PIP5K1C: variants seen among roughly 807,000 people sequenced by gnomAD.
PIP5K1C encodes phosphatidylinositol-4-phosphate 5-kinase type 1 gamma.
A neutral mutation model predicts 80.1 loss-of-function variants in PIP5K1C; 45 were observed. That is an observed-to-expected ratio of 0.56 (90% CI 0.44 to 0.72). PIP5K1C has a LOEUF of 0.72. PIP5K1C is among the 30% of genes least tolerant of loss of function. PIP5K1C has a pLI of 0.00. For synonymous variants in PIP5K1C, 498 were observed against 420.1 expected (o/e 1.19, Z -2.27); for missense variants, 753 against 954.6 (o/e 0.79, Z 2.78).
chr19:3,697,775 C>T (rs891261536), intron 1 of PIP5K1C, among the ~76,000 whole-genome samples: 4 of 152,174 alleles, frequency 2.6e-5, no homozygotes, highest in Non-Finnish European at 4.4e-5. Context: ...GAGGCTCAGA[C>T]ACGCCCAGGC....
rs2145356864 is a variant in PIP5K1C at position 3,633,045 on chromosome 19, G to A, written c.*122C>T. Reference sequence around the variant, plus strand: ...CGGCATCCGTGCAGGGGGAGGACGAGGTCCGGTGGGGCGGCGAGGCGGGCA... The same window carrying A: ...CGGCATCCGTGCAGGGGGAGGACGAAGTCCGGTGGGGCGGCGAGGCGGGCA... On this transcript the variant is annotated 3_prime_UTR_variant, in exon 18 of 18. Coordinates refer to ENST00000335312, the MANE Select transcript of PIP5K1C (RefSeq NM_012398.3). The A allele has an allele frequency of 3.0e-6, 2 of 662,780 alleles. No homozygotes were observed. Among genetic ancestry groups the A allele is most frequent in the Middle Eastern group, 3.4e-4 (1 of 2,940 alleles). The allele number at this position is 662,780 out of a possible 1,614,324, so 41.1% of individuals were successfully genotyped here. A position where few individuals can be genotyped will look rare whatever the true frequency, so the allele number is the denominator to read the frequency against.
chr19:3,646,696 G>A (rs1415532242), intron 10 of PIP5K1C, among the ~76,000 whole-genome samples: 1 of 152,218 alleles, frequency 6.6e-6, no homozygotes, highest in Non-Finnish European at 1.5e-5. Flanking sequence ...TCTGCCAGCT[G>A]CCATCCTGAC....
chr19:3,688,907 G>T lies in PIP5K1C; in HGVS notation c.94+11390C>A, dbSNP rs945559281. On this transcript the variant is annotated intron_variant, in intron 1 of 17. Transcript: ENST00000335312. This position sits in a 1 kb window ranked among gnomAD's most constrained non-coding sequence, Gnocchi z 5.3. Reference sequence around the variant, plus strand: ...CCCTTCCAGCCTTGTCCCCAACACAGCCTGCAAATGGGCGGGGGCCTGGGA... The same window carrying T: ...CCCTTCCAGCCTTGTCCCCAACACATCCTGCAAATGGGCGGGGGCCTGGGA... 2.8e-4 allele frequency among the ~76,000 whole-genome samples: 42 copies of T among 150,094 alleles called. No individual in the cohort carries two copies. Among genetic ancestry groups the T allele is most frequent in the African/African-American group, 9.2e-4 (38 of 41,152 alleles).
chr19:3,669,078 A>G (rs1405548988), intron 1 of PIP5K1C, among the ~76,000 whole-genome samples: 2 of 152,144 alleles, frequency 1.3e-5, no homozygotes, highest in African/African-American at 4.8e-5. Flanking sequence ...CAGCTCTGCC[A>G]GCATCTTCTC....
At chr19:3,646,589 C>T (rs2034223418) in intron 10 of PIP5K1C, among the ~76,000 whole-genome samples, 1 of 152,212 alleles carries the variant, frequency 6.6e-6, no homozygotes, top group Non-Finnish European at 1.5e-5. Context: ...CAGCACAGGA[C>T]ACCCTGGCCA....
chr19:3,667,362 G>C lies in PIP5K1C; in HGVS notation c.95-9C>G, dbSNP rs757544754. The C allele has an allele frequency of 8.7e-6, 14 of 1,612,826 alleles. No individual in the cohort carries two copies. The highest frequency in any genetic ancestry group is 1.2e-5 in the Non-Finnish European group (14 of 1,179,884). On this transcript the variant is annotated splice_polypyrimidine_tract_variant and intron_variant, in intron 1 of 17. Transcript: ENST00000335312. Reference sequence around the variant, plus strand: ...CTTCTTCTGAGCCAAACCTGCAGAAGAGACAAGCTGGGTATCAGACAGGAA... The same window carrying C: ...CTTCTTCTGAGCCAAACCTGCAGAACAGACAAGCTGGGTATCAGACAGGAA...
Position 3,655,403 on chromosome 19 carries a change from G to A in PIP5K1C, c.621+1002C>T, listed in dbSNP as rs148717485. 5.3e-3 allele frequency among the ~76,000 whole-genome samples: 806 copies of A among 152,384 alleles called. 2 individuals carry two copies. Among genetic ancestry groups the A allele is most frequent in the African/African-American group, 0.019 (784 of 41,588 alleles). On this transcript the variant is annotated intron_variant, in intron 6 of 17. Coordinates refer to ENST00000335312, the MANE Select transcript of PIP5K1C (RefSeq NM_012398.3). Reference sequence around the variant, plus strand: ...ACTGCACTCCAGCCTGGGTGACAGAGCGAGACTCCGTCTCAAAACATAAAT... The same window carrying A: ...ACTGCACTCCAGCCTGGGTGACAGAACGAGACTCCGTCTCAAAACATAAAT...
intron 5 of PIP5K1C, among the ~76,000 whole-genome samples, 160 bp from the exon 6 acceptor site, chr19:3,656,717 C>A (rs1371480106): frequency 6.6e-6 from 1 of 152,196 alleles, no homozygotes; most frequent in Non-Finnish European, 1.5e-5. Context: ...TTGCCTGAGG[C>A]TAGCCAGCAA....
At chr19:3,643,904 G>C (rs1311511086) in intron 12 of PIP5K1C, among the ~76,000 whole-genome samples, 183 bp downstream of exon 12, 1 of 152,134 alleles carries the variant, frequency 6.6e-6, no homozygotes, top group East Asian at 1.9e-4. Context: ...TCTATACTCA[G>C]CTCCCCCTGG....
chr19:3,643,884 G>A (rs2145408075), intron 12 of PIP5K1C, among the ~76,000 whole-genome samples: 1 of 152,212 alleles, frequency 6.6e-6, no homozygotes, highest in Middle Eastern at 3.4e-3. Flanking sequence ...CACCCCACCT[G>A]GTGGAGCCTT....
intron 1 of PIP5K1C, among the ~76,000 whole-genome samples, chr19:3,683,813 CG>C (rs2035666123): frequency 6.6e-6 from 1 of 152,148 alleles, no homozygotes; most frequent in Non-Finnish European, 1.5e-5. Flanking sequence ...GGGATCAGCC[CG>C]GGCACAGCAG....
At chr19:3,664,723 T>G (rs2034951670) in intron 3 of PIP5K1C, 99 bp downstream of exon 3, 3 of 1,022,816 alleles carry the variant, frequency 2.9e-6, no homozygotes, top group Non-Finnish European at 1.5e-6. Context: ...GACCCTGGTT[T>G]GTGTCGGGGG....
At chr19:3,697,254 C>G (rs999689614) in intron 1 of PIP5K1C, among the ~76,000 whole-genome samples, 3 of 145,126 alleles carry the variant, frequency 2.1e-5, no homozygotes, top group East Asian at 4.1e-4. Flanking sequence ...CCCGGGAGGA[C>G]CGAGCCAGAT....
intron 1 of PIP5K1C, among the ~76,000 whole-genome samples, chr19:3,682,165 G>A (rs2035609595): frequency 6.6e-6 from 1 of 152,030 alleles, no homozygotes; most frequent in Non-Finnish European, 1.5e-5. Flanking sequence ...CCTGAGATCA[G>A]GAGTTTGAGA....
chr19:3,653,450 A>G lies in PIP5K1C; in HGVS notation c.761T>C (p.Leu254Pro). The G allele has an allele frequency of 1.2e-6, 2 of 1,613,752 alleles. No homozygotes were observed. The change falls in exon 7 of 18, where the codon CTC (leucine) becomes CCC (proline). Residue 254 changes from leucine to proline, a missense_variant. Transcript: ENST00000335312. ...RVVKMHLKFD[L>P]KGSTYKRRAS... ...GCGCCGCTTGTAGGTGGAGCCCTTG[A>G]GGTCGAACTTGAGGTGCATCTTGAC...
intron 3 of PIP5K1C, among the ~76,000 whole-genome samples, chr19:3,664,488 T>A (rs1218183733): frequency 6.6e-6 from 1 of 152,156 alleles, no homozygotes; most frequent in East Asian, 1.9e-4. Flanking sequence ...TCCCATCCAC[T>A]GCCCGAGGTG....
chr19:3,637,183 C>T lies in PIP5K1C; in HGVS notation c.1920+1701G>A, dbSNP rs2033722187. 1.4e-6 allele frequency: 2 copies of T among 1,427,006 alleles called. No individual in the cohort carries two copies. The highest frequency in any genetic ancestry group is 1.8e-6 in the Non-Finnish European group (2 of 1,094,808). 88.4% of individuals were successfully genotyped at this position (1,427,006 alleles called of 1,614,324 possible). On this transcript the variant is annotated intron_variant, in intron 16 of 17. Transcript: ENST00000335312. The surrounding 1 kb of genome is among the most constrained non-coding windows in gnomAD (Gnocchi z 7.0). ...CAGGTCTGCACGAGTGAGAAGCGTC[C>T]ACCCAAGACACCCTGACACGAGAGG...
At chr19:3,687,178 A>G (rs1473498780) in intron 1 of PIP5K1C, among the ~76,000 whole-genome samples, 1 of 150,650 alleles carries the variant, frequency 6.6e-6, no homozygotes, top group Non-Finnish European at 1.5e-5. Context: ...GGGTGAAAAG[A>G]GTGAGACTCC....
At chr19:3,647,784 T>C (rs1236031140) in intron 9 of PIP5K1C, among the ~76,000 whole-genome samples, 1 of 152,098 alleles carries the variant, frequency 6.6e-6, no homozygotes, top group Admixed American at 6.5e-5. Context: ...CCATCTCTAC[T>C]AAAAATACAA....
Sources: gnomAD v4.1 joint callset for allele counts (sites outside exome capture counted in the v4.1 genomes callset) on GRCh38, gnomAD v4.1.1 for gene constraint, Gnocchi (gnomAD v3.1) non-coding constraint, MANE v1.5 for transcripts, NCBI Gene and HGNC (gene_info 2026-07-23, HGNC 2026-07-21) for gene names.